Variants in GALNT13 observed in about 807,000 individuals in gnomAD.
GALNT13 encodes polypeptide N-acetylgalactosaminyltransferase 13, also known as UDP-GalNAc:polypeptide N-acetylgalactosaminyltransferase 13.
GALNT13 carries 28 observed loss-of-function variants against 64.2 expected under a neutral mutation model. That is an observed-to-expected ratio of 0.44 (90% CI 0.32 to 0.60). GALNT13 has a LOEUF of 0.60. Among genes scored for constraint, GALNT13 ranks in the 20% least tolerant of loss-of-function variants. The pLI, the probability that GALNT13 is intolerant of heterozygous loss-of-function variation, is 0.05. For missense variants in GALNT13, 577 were observed against 669.8 expected, an observed-to-expected ratio of 0.86 and a Z score of 1.53; for synonymous variants, 214 against 224.6, an observed-to-expected ratio of 0.95 and a Z score of 0.42.
intron 3 of GALNT13, among the ~76,000 whole-genome samples, chr2:153,967,386 G>A (rs1394399075): frequency 1.3e-5 from 2 of 152,234 alleles, no homozygotes; most frequent in East Asian, 3.9e-4. Context: ...GAGCTTTCCA[G>A]GAATTCAAAG....
the GALNT13 span, among the ~76,000 whole-genome samples, chr2:153,772,008 C>G: frequency 5.3e-5 from 8 of 152,218 alleles, no homozygotes; most frequent in African/African-American, 1.9e-4. Flanking sequence ...ACAAATCTGT[C>G]TCTGGCTGCA....
the GALNT13 span, among the ~76,000 whole-genome samples, chr2:153,070,299 G>A: frequency 6.6e-6 from 1 of 152,186 alleles, no homozygotes; most frequent in Non-Finnish European, 1.5e-5. Context: ...ATTGGTGGTT[G>A]CCAGGTGCTC....
the GALNT13 span, among the ~76,000 whole-genome samples, chr2:153,308,179 A>G: frequency 6.6e-6 from 1 of 152,208 alleles, no homozygotes; most frequent in East Asian, 1.9e-4. Flanking sequence ...TTCTTAATAA[A>G]ACCTAGACTT....
Position 153,944,502 on chromosome 2 carries a change from G to T in GALNT13, c.5G>T (p.Arg2Met). Residue 2 changes from arginine to methionine, a missense_variant, in exon 3 of 13, where the codon AGG (arginine) becomes ATG (methionine). Physicochemically the swap from Arg to Met is moderately conservative, Grantham distance 91. Around this residue, in one of 3 missense-constraint regions of GALNT13, gnomAD observed 341 missense variants for 379.3 expected, o/e 0.90. Transcript: ENST00000392825. M[R>M]RFVYCKVVLA... Reference sequence around the variant, plus strand: ...AACTAGAAATCAAGGAAAGACATGAGGAGATTTGTCTACTGCAAGGTGGTT... The same window carrying T: ...AACTAGAAATCAAGGAAAGACATGATGAGATTTGTCTACTGCAAGGTGGTT... 1 of 1,611,552 alleles carries T rather than the reference G, an allele frequency of 6.2e-7. No homozygotes were observed. Among genetic ancestry groups the T allele is most frequent in the Non-Finnish European group, 8.5e-7 (1 of 1,178,298 alleles).
At chr2:153,159,125 C>T in the GALNT13 span, 1 of 155,492 alleles carries the variant, frequency 6.4e-6, no homozygotes, top group African/African-American at 2.4e-5. Flanking sequence ...CTGAGGAATT[C>T]TTCCATTTTC....
intron 3 of GALNT13, among the ~76,000 whole-genome samples, chr2:154,006,948 G>A (rs918909753): frequency 2.0e-4 from 30 of 152,284 alleles, no homozygotes; most frequent in African/African-American, 7.0e-4. Context: ...CTATGGATGT[G>A]ATGGGATATT....
intron 8 of GALNT13, among the ~76,000 whole-genome samples, chr2:154,288,570 G>A (rs533812253): frequency 1.1e-4 from 16 of 152,244 alleles, no homozygotes; most frequent in Non-Finnish European, 2.1e-4. Flanking sequence ...AATACAATGG[G>A]GGTACAGTCA....
the GALNT13 span, among the ~76,000 whole-genome samples, chr2:153,215,055 G>A: frequency 6.6e-6 from 1 of 151,928 alleles, no homozygotes; most frequent in South Asian, 2.1e-4. Context: ...TACTTCCTCT[G>A]GAATGTCTTA....
intron 4 of GALNT13, among the ~76,000 whole-genome samples, chr2:154,192,964 T>C (rs1686678697): frequency 6.6e-6 from 1 of 152,234 alleles, no homozygotes; most frequent in Non-Finnish European, 1.5e-5. Flanking sequence ...GGCTATAAGT[T>C]CCATTTCTTG....
intron 4 of GALNT13, among the ~76,000 whole-genome samples, chr2:154,166,498 GA>G (rs1277372177): frequency 2.0e-5 from 3 of 152,182 alleles, no homozygotes; most frequent in African/African-American, 7.2e-5. Context: ...AGAGGATGTG[GA>G]GAAATAGGAA....
chr2:153,339,935 C>G, the GALNT13 span, among the ~76,000 whole-genome samples: 17 of 152,026 alleles, frequency 1.1e-4, no homozygotes, highest in African/African-American at 4.1e-4. Flanking sequence ...TTTCTGGGCT[C>G]TTTGTTCCGT....
chr2:153,820,823 C>T, the GALNT13 span, among the ~76,000 whole-genome samples: 1 of 152,168 alleles, frequency 6.6e-6, no homozygotes, highest in East Asian at 1.9e-4. Context: ...ACGAAACAAC[C>T]AGCTACAAAT....
chr2:154,078,432 TATAG>T lies in GALNT13; in HGVS notation c.143-61891_143-61888del, dbSNP rs142112618. Among the ~76,000 whole-genome samples the T allele has an allele frequency of 6.5e-3, 985 of 151,608 alleles. 15 individuals are homozygous for T. Among genetic ancestry groups the T allele is most frequent in the African/African-American group, 0.022 (920 of 41,502 alleles). Reference sequence around the variant, plus strand: ...ACAGATTGTAATGACAGATGATAGCTATAGATAGATAGATAGAGTAAACATGTAA... The same window carrying T: ...ACAGATTGTAATGACAGATGATAGCTATAGATAGATAGAGTAAACATGTAA... On this transcript the variant is annotated intron_variant, in intron 3 of 12. Transcript: ENST00000392825.
At chr2:153,338,533 A>G in the GALNT13 span, among the ~76,000 whole-genome samples, 8 of 152,216 alleles carry the variant, frequency 5.3e-5, no homozygotes, top group African/African-American at 1.9e-4. Context: ...GGTGTACAAT[A>G]TGATGTTTTG....
intron 3 of GALNT13, among the ~76,000 whole-genome samples, chr2:153,991,529 G>C (rs1386162387): frequency 6.6e-6 from 1 of 152,102 alleles, no homozygotes; most frequent in East Asian, 1.9e-4. Flanking sequence ...TAGGGATTAG[G>C]CCTTGATTCT....
the GALNT13 span, among the ~76,000 whole-genome samples, chr2:153,293,712 A>T: frequency 6.6e-6 from 1 of 152,050 alleles, no homozygotes; most frequent in African/African-American, 2.4e-5. Flanking sequence ...AGTTAATCAT[A>T]TTGAGGGATC....
At chr2:153,885,824 C>T (rs1023175040) in intron 1 of GALNT13, among the ~76,000 whole-genome samples, 3 of 152,078 alleles carry the variant, frequency 2.0e-5, no homozygotes, top group Non-Finnish European at 4.4e-5. Flanking sequence ...AAAATAATTG[C>T]TGTAAAGATA....
intron 3 of GALNT13, among the ~76,000 whole-genome samples, chr2:154,001,267 A>G (rs1029811315): frequency 2.0e-5 from 3 of 151,934 alleles, no homozygotes; most frequent in South Asian, 2.1e-4. Context: ...TAATTGGACA[A>G]TTTAATTCAT....
chr2:153,232,210 A>G, the GALNT13 span, among the ~76,000 whole-genome samples: 9 of 152,230 alleles, frequency 5.9e-5, no homozygotes, highest in Admixed American at 6.5e-5. Flanking sequence ...TTAGAAAATG[A>G]TATCCATCAT....
Sources: gnomAD v4.1 joint callset for allele counts (sites outside exome capture counted in the v4.1 genomes callset) on GRCh38, gnomAD v4.1.1 for gene constraint, gnomAD v4.1.1 regional missense constraint, MANE v1.5 for transcripts, NCBI Gene and HGNC (gene_info 2026-07-23, HGNC 2026-07-21) for gene names.